The following CLSTN2 variants were observed in gnomAD, a reference collection of about 807,000 sequenced individuals.
CLSTN2 encodes the protein calsyntenin-2.
In CLSTN2, 48 loss-of-function variants were observed where a neutral mutation model predicts 101.2. The ratio of observed to expected loss-of-function variants is 0.47; its 90% CI spans 0.38 to 0.60. The LOEUF is 0.60. CLSTN2 is among the 20% of genes least tolerant of loss of function. The pLI is 0.00. For missense variants in CLSTN2, 1,160 were observed against 1,238.2 expected (o/e 0.94, Z 0.95); for synonymous variants, 481 against 463.6 (o/e 1.04, Z -0.48).
At chr3:140,473,783 A>T (rs1933909391) in intron 8 of CLSTN2, among the ~76,000 whole-genome samples, 1 of 151,528 alleles carries the variant, frequency 6.6e-6, no homozygotes. Context: ...TTTGAGACAG[A>T]GTCTTGCTTT....
At chr3:140,197,955 C>T (rs2010666979) in intron 2 of CLSTN2, among the ~76,000 whole-genome samples, 1 of 152,126 alleles carries the variant, frequency 6.6e-6, no homozygotes, top group Non-Finnish European at 1.5e-5. Flanking sequence ...TAAGGTATTT[C>T]TGGCTTTGTT....
At chr3:140,390,923 A>G (rs1293408754) in intron 2 of CLSTN2, among the ~76,000 whole-genome samples, 1 of 152,202 alleles carries the variant, frequency 6.6e-6, no homozygotes, top group Non-Finnish European at 1.5e-5. Flanking sequence ...GAATTGTCAT[A>G]GTCCTTCAAA....
At chr3:140,459,921 T>C (rs1340682337) in intron 7 of CLSTN2, 152 bp downstream of exon 7, 31 of 926,552 alleles carry the variant, frequency 3.3e-5, no homozygotes, top group Non-Finnish European at 4.9e-5. Flanking sequence ...GTCTCTGGTT[T>C]TCTGGCTGCT....
intron 6 of CLSTN2, among the ~76,000 whole-genome samples, chr3:140,457,565 G>A (rs1166958124): frequency 6.6e-6 from 1 of 152,120 alleles, no homozygotes. Flanking sequence ...GATTTTATTG[G>A]CAATTAAAAC....
At chr3:140,118,072 T>A (rs758376605) in intron 1 of CLSTN2, among the ~76,000 whole-genome samples, 1 of 151,912 alleles carries the variant, frequency 6.6e-6, no homozygotes, top group Non-Finnish European at 1.5e-5. Context: ...CACAATGGGC[T>A]CAAATCTAAT....
intron 2 of CLSTN2, among the ~76,000 whole-genome samples, chr3:140,319,980 C>T (rs978826983): frequency 2.0e-5 from 3 of 152,224 alleles, no homozygotes; most frequent in Non-Finnish European, 4.4e-5. Flanking sequence ...TCTCTGAACA[C>T]TGTATTCCAG....
At chr3:140,385,296 T>C (rs559808995) in intron 2 of CLSTN2, among the ~76,000 whole-genome samples, 1 of 151,242 alleles carries the variant, frequency 6.6e-6, no homozygotes, top group East Asian at 1.9e-4. Context: ...CGGCTCACTC[T>C]CATGATGGCT....
chr3:140,016,603 A>G (rs71314533), intron 1 of CLSTN2, among the ~76,000 whole-genome samples: 8,736 of 152,130 alleles, frequency 0.057, 335 homozygotes, highest in Non-Finnish European at 0.079. Flanking sequence ...GATGGAGACC[A>G]TTCTGGCCAA....
chr3:140,060,740 G>T (rs574961909), intron 1 of CLSTN2, among the ~76,000 whole-genome samples: 1 of 152,204 alleles, frequency 6.6e-6, no homozygotes, highest in Non-Finnish European at 1.5e-5. Flanking sequence ...GACCTGATGG[G>T]TAACTGGTGT....
At position 140,474,066 on chromosome 3, in the gene CLSTN2, G is replaced by A. The variant is rs115690327; in HGVS notation, c.1344+7335G>A. On this transcript the variant is annotated intron_variant, in intron 8 of 16. Transcript: ENST00000458420. ...TGGGATTACAGGCATAAGCCACCAC[G>A]CCTGGCCAAATCTGTGTTGTTTTAA... Among the ~76,000 whole-genome samples, 554 of 152,192 alleles carry A rather than the reference G, an allele frequency of 3.6e-3. 2 individuals are homozygous for A. Among genetic ancestry groups the A allele is most frequent in the African/African-American group, 0.012 (488 of 41,514 alleles).
At chr3:140,472,609 C>T (rs928426136) in intron 8 of CLSTN2, among the ~76,000 whole-genome samples, 3 of 152,214 alleles carry the variant, frequency 2.0e-5, no homozygotes, top group Non-Finnish European at 4.4e-5. Flanking sequence ...GGCCACTCTG[C>T]TCGGCATCCC....
intron 8 of CLSTN2, among the ~76,000 whole-genome samples, chr3:140,509,003 C>T (rs1025581221): frequency 2.0e-5 from 3 of 151,922 alleles, no homozygotes; most frequent in East Asian, 1.9e-4. Context: ...GGGAGGGAAG[C>T]TTTGAAATGG....
chr3:140,251,871 G>A (rs926921929), intron 2 of CLSTN2, among the ~76,000 whole-genome samples: 9 of 152,158 alleles, frequency 5.9e-5, no homozygotes, highest in Non-Finnish European at 8.8e-5. Context: ...AAAGGAATAG[G>A]CTGGAAAGAG....
chr3:140,234,515 T>C (rs542428108), intron 2 of CLSTN2, among the ~76,000 whole-genome samples: 21 of 152,296 alleles, frequency 1.4e-4, no homozygotes, highest in African/African-American at 5.1e-4. Flanking sequence ...GGAGAGTAGA[T>C]GAGTCATGTC....
At chr3:140,564,758 A>G (rs114561226) in intron 16 of CLSTN2, among the ~76,000 whole-genome samples, 3,240 of 152,322 alleles carry the variant, frequency 0.021, 60 homozygotes, top group South Asian at 0.068. Context: ...TACTCAAATT[A>G]ACACAGCCAA....
chr3:140,126,716 A>C (rs2009439434), intron 1 of CLSTN2, among the ~76,000 whole-genome samples: 1 of 152,128 alleles, frequency 6.6e-6, no homozygotes, highest in Non-Finnish European at 1.5e-5. Flanking sequence ...TAAAGACTTG[A>C]GAACCATCTT....
intron 1 of CLSTN2, among the ~76,000 whole-genome samples, chr3:139,938,915 T>TCCACCCTTC (rs1416564485): frequency 2.6e-5 from 4 of 151,926 alleles, no homozygotes; most frequent in Non-Finnish European, 5.9e-5. Context: ...AGGACCACCC[T>TCCACCCTTC]CCACCCCTCC....
At chr3:140,350,366 G>A (rs1461312526) in intron 2 of CLSTN2, among the ~76,000 whole-genome samples, 2 of 152,196 alleles carry the variant, frequency 1.3e-5, no homozygotes, top group Non-Finnish European at 2.9e-5. Context: ...ACAGAATTCT[G>A]CCTCCAACAC....
chr3:140,354,622 C>T (rs1228938917), intron 2 of CLSTN2, among the ~76,000 whole-genome samples: 1 of 152,128 alleles, frequency 6.6e-6, no homozygotes, highest in East Asian at 1.9e-4. Flanking sequence ...AATAGTGCCA[C>T]CCTAGCCTAC....
Sources: allele counts gnomAD v4.1 joint callset (sites outside exome capture counted in the v4.1 genomes callset), GRCh38; gene constraint gnomAD v4.1.1; transcripts MANE v1.5; gene names NCBI Gene and HGNC (gene_info 2026-07-23, HGNC 2026-07-21).